The following SYNJ2 variants were observed in gnomAD, a reference collection of about 807,000 sequenced individuals.
SYNJ2 encodes the protein synaptojanin 2.
A neutral mutation model predicts 141.3 loss-of-function variants in SYNJ2; 116 were observed. The observed-to-expected ratio is 0.82, with a 90% CI of 0.71 to 0.96. The LOEUF (loss-of-function observed/expected upper bound fraction) is 0.96, where lower values mean the gene tolerates loss of function less well. Among genes scored for constraint, SYNJ2 ranks in the 40% least tolerant of loss-of-function variants. The pLI, the probability that SYNJ2 is intolerant of heterozygous loss-of-function variation, is 0.00. For synonymous variants in SYNJ2, 745 were observed against 777.7 expected (o/e 0.96, Z 0.70); for missense variants, 1,873 against 1,934.8 (o/e 0.97, Z 0.60).
At chr6:158,066,710 G>C in intron 12 of SYNJ2, 75 bp downstream of exon 12, 1 of 1,525,564 alleles carries the variant, frequency 6.6e-7, no homozygotes, top group Non-Finnish European at 8.9e-7. Context: ...CCCTTTAGTG[G>C]CCATCGTCTT....
chr6:157,988,788 G>A (rs1311005653), intron 1 of SYNJ2, among the ~76,000 whole-genome samples: 1 of 152,298 alleles, frequency 6.6e-6, no homozygotes, highest in South Asian at 2.1e-4. Context: ...GTGGCCAGCT[G>A]TCCTCGAGGT....
intron 5 of SYNJ2, among the ~76,000 whole-genome samples, chr6:158,044,833 C>T (rs577137371): frequency 3.2e-4 from 49 of 152,224 alleles, no homozygotes; most frequent in South Asian, 8.3e-4. Flanking sequence ...CCATTCCAGA[C>T]GTTCCAAAAG....
rs146451163 is a variant in SYNJ2, at chr6:158,023,648, A to G, written c.215-5108A>G. 2.6e-5 allele frequency among the ~76,000 whole-genome samples: 4 copies of G among 152,266 alleles called. No individual in the cohort carries two copies. In the East Asian group the frequency reaches 7.7e-4, roughly 29 times the overall value. ...GGTCTCCCTGCTTCCATGTTAGGGT[A>G]GAGGGTAGGCCCTTCTCTCTTCTGG... On this transcript the variant is annotated intron_variant, in intron 2 of 26. Transcript: ENST00000355585.
At chr6:158,078,385 T>C (rs560046070) in intron 18 of SYNJ2, 104 bp downstream of exon 18, 2 of 723,988 alleles carry the variant, frequency 2.8e-6, no homozygotes, top group Admixed American at 2.3e-5. Flanking sequence ...TGTGTGCGCA[T>C]GGGGGTGCAT....
chr6:158,068,344 GGT>G (rs1781695927), intron 12 of SYNJ2, among the ~76,000 whole-genome samples: 2 of 152,140 alleles, frequency 1.3e-5, no homozygotes, highest in Admixed American at 6.5e-5. Flanking sequence ...CAGGAGCCTG[GGT>G]GTCAGAGGTC....
intron 2 of SYNJ2, chr6:158,028,438 A>C: frequency 2.6e-6 from 1 of 386,480 alleles, no homozygotes; most frequent in Non-Finnish European, 4.8e-6. Flanking sequence ...GGGGCATCAG[A>C]ATCACCTGGA....
Position 158,096,326 on chromosome 6 carries a change from A to ACAG in SYNJ2, c.4456_4458dup (p.Ala1486dup). ...GACAATCAGTGACCAAGAAAAGAGG[A>ACAG]CAGCACTGCAGGTGTTTGACCCACT... On this transcript the variant is annotated inframe_insertion, in exon 27 of 27. Coordinates refer to ENST00000355585, the MANE Select transcript of SYNJ2 (RefSeq NM_003898.4). 1.2e-6 allele frequency: 2 copies of ACAG among 1,613,096 alleles called. No homozygotes were observed. The highest frequency in any genetic ancestry group is 1.7e-6 in the Non-Finnish European group (2 of 1,179,750).
In SYNJ2 at chr6:158,044,297, G is replaced by A. The variant is rs562788945; in HGVS notation, c.795+898G>A. Among the ~76,000 whole-genome samples the A allele has an allele frequency of 3.9e-5, 6 of 152,290 alleles. No homozygotes were observed. The East Asian group carries it at 1.2e-3, about 29-fold the overall frequency. On this transcript the variant is annotated intron_variant, in intron 5 of 26. Coordinates refer to ENST00000355585, the MANE Select transcript of SYNJ2 (RefSeq NM_003898.4). The stretch of plus-strand genomic sequence containing the variant: ...CCCCAGTCCTGGGTTCAGCTTCTTA[G>A]CCTGCTCTTTGACTTGACCCTGTGC...
At chr6:157,996,508 A>G (rs747568888) in intron 1 of SYNJ2, among the ~76,000 whole-genome samples, 2 of 152,028 alleles carry the variant, frequency 1.3e-5, no homozygotes, top group Non-Finnish European at 2.9e-5. Context: ...CACTGCATTC[A>G]GCAGCCTGAC....
At chr6:158,085,917 C>T (rs1037264578) in intron 22 of SYNJ2, among the ~76,000 whole-genome samples, 2 of 151,950 alleles carry the variant, frequency 1.3e-5, no homozygotes, top group South Asian at 2.1e-4. Context: ...GGGATGTGCT[C>T]TTCCCATAAG....
chr6:158,028,477 G>A (rs1779179438), intron 2 of SYNJ2: 2 of 493,108 alleles, frequency 4.1e-6, no homozygotes, highest in African/African-American at 3.9e-5. Flanking sequence ...CTTGCCCCCA[G>A]CCTCAGGCAG....
At chr6:158,041,285 G>C (rs1054769234) in intron 4 of SYNJ2, among the ~76,000 whole-genome samples, 4 of 152,134 alleles carry the variant, frequency 2.6e-5, no homozygotes, top group African/African-American at 9.7e-5. Flanking sequence ...TCTCTGTCCT[G>C]CCTCCCCACC....
In SYNJ2 at chr6:158,035,480, A is replaced by G. The variant is rs1352721455; in HGVS notation, c.711+1800A>G. Among the ~76,000 whole-genome samples the G allele has an allele frequency of 2.0e-5, 3 of 152,022 alleles. No homozygotes were observed. The South Asian group carries it at 6.3e-4, about 32-fold the overall frequency. Reference sequence around the variant, plus strand: ...TGTTCCTGATTTGGCTCTCTGCTTGACTGTTGTTGGTGTATTGATTTTGTA... The same window carrying G: ...TGTTCCTGATTTGGCTCTCTGCTTGGCTGTTGTTGGTGTATTGATTTTGTA... On this transcript the variant is annotated intron_variant, in intron 4 of 26. Coordinates refer to ENST00000355585, the MANE Select transcript of SYNJ2 (RefSeq NM_003898.4).
At chr6:158,028,513 A>G in intron 2 of SYNJ2, 5 of 564,338 alleles carry the variant, frequency 8.9e-6, no homozygotes, top group South Asian at 8.8e-5. Flanking sequence ...CTGCATGTCT[A>G]ACAGGCTCCC....
chr6:157,984,824 G>A (rs1347540676), intron 1 of SYNJ2, among the ~76,000 whole-genome samples: 1 of 152,210 alleles, frequency 6.6e-6, no homozygotes, highest in Non-Finnish European at 1.5e-5. Context: ...TTGAAGTTCC[G>A]AGTCGGGGGT....
At position 158,083,572 on chromosome 6, in the gene SYNJ2, C is replaced by T. The variant is rs1199096946; in HGVS notation, c.3009C>T (p.Phe1003=). Residue 1003 remains phenylalanine, a synonymous_variant, in exon 21 of 27, where the codon TTC becomes TTT. Coordinates refer to ENST00000355585, the MANE Select transcript of SYNJ2 (RefSeq NM_003898.4). ...GTTTGCTGGAGGAAAACTTTGACTT[C>T]ACAAGTTTGGACTATGAGTCAGAAG... The part of the protein sequence containing the change: ...NSCLLEENFD[F]TSLDYESEGD... The T allele has an allele frequency of 6.2e-7, 1 of 1,614,054 alleles. No individual in the cohort carries two copies. The highest frequency in any genetic ancestry group is 8.5e-7 in the Non-Finnish European group (1 of 1,180,052).
At chr6:157,989,360 C>G (rs1777323110) in intron 1 of SYNJ2, among the ~76,000 whole-genome samples, 1 of 149,716 alleles carries the variant, frequency 6.7e-6, no homozygotes, top group Non-Finnish European at 1.5e-5. Context: ...GCCTGAGGCT[C>G]CACCTCCAGT....
intron 1 of SYNJ2, among the ~76,000 whole-genome samples, chr6:158,014,299 G>A (rs1343969800): frequency 6.6e-6 from 1 of 152,204 alleles, no homozygotes; most frequent in African/African-American, 2.4e-5. Flanking sequence ...AACCTATCCT[G>A]GGTTTATCAG....
intron 25 of SYNJ2, among the ~76,000 whole-genome samples, chr6:158,092,637 C>T (rs1182086633): frequency 6.6e-6 from 1 of 152,096 alleles, no homozygotes; most frequent in East Asian, 1.9e-4. Flanking sequence ...TGGCAGTGCT[C>T]ACCCGTAATC....
Sources: gnomAD v4.1 joint callset for allele counts (sites outside exome capture counted in the v4.1 genomes callset) on GRCh38, gnomAD v4.1.1 for gene constraint, MANE v1.5 for transcripts, NCBI Gene and HGNC (gene_info 2026-07-23, HGNC 2026-07-21) for gene names.